The following USH1C variants were observed in gnomAD, a reference collection of about 807,000 sequenced individuals.
USH1C encodes USH1 protein network component harmonin, also known as harmonin.
USH1C carries 90 observed loss-of-function variants against 119.3 expected under a neutral mutation model. The observed-to-expected ratio is 0.75, with a 90% confidence interval of 0.64 to 0.90. The LOEUF is 0.90. Ranked by LOEUF, USH1C falls within the 40% of genes least tolerant of loss-of-function variation. The pLI, the probability that USH1C is intolerant of heterozygous loss-of-function variation, is 0.00. For synonymous variants in USH1C, 465 were observed against 443.3 expected, an observed-to-expected ratio of 1.05 and a Z score of -0.62; for missense variants, 1,165 against 1,167.7, an observed-to-expected ratio of 1.00 and a Z score of 0.03.
At chr11:17,512,278 T>A (rs1354011368) in intron 15 of USH1C, among the ~76,000 whole-genome samples, 2 of 152,124 alleles carry the variant, frequency 1.3e-5, no homozygotes, top group African/African-American at 2.4e-5. Context: ...AAAGACTGGC[T>A]TATTAGTTCA....
In USH1C at chr11:17,522,942, A is replaced by T. The variant is rs1029798316; in HGVS notation, c.877-16T>A. The T allele has an allele frequency of 3.1e-6, 5 of 1,607,962 alleles. No individual in the cohort carries two copies. The highest frequency in any genetic ancestry group is 4.2e-6 in the Non-Finnish European group (5 of 1,177,502). On this transcript the variant is annotated splice_polypyrimidine_tract_variant and intron_variant, in intron 11 of 26. Transcript: ENST00000005226. ...GCTCCCGGCCCTCATGGGAGAAAAG[A>T]GGCCCCTTGCTCAGCCCCCGGGGAA...
Position 17,522,915 on chromosome 11 carries a change from C to A in USH1C, c.888G>T (p.Leu296=), listed in dbSNP as rs1592003565. 6.2e-7 allele frequency: 1 copy of A among 1,611,732 alleles called. No homozygotes were observed. The highest frequency in any genetic ancestry group is 1.3e-5 in the African/African-American group (1 of 74,910). The change falls in exon 12 of 27, where the codon CTG becomes CTT. Residue 296 remains leucine, a synonymous_variant. Transcript: ENST00000005226. ...CCAGCCGCTCCCGGTCTGTCATGAA[C>A]AGCTCCCGGCCCTCATGGGAGAAAA... ...ISIVAAAGRE[L]FMTDRERLAE...
At chr11:17,510,255 G>A (rs919061733) in intron 17 of USH1C, 150 bp downstream of exon 17, 3 of 691,152 alleles carry the variant, frequency 4.3e-6, no homozygotes, top group Admixed American at 2.1e-5. Context: ...CCTCAAGAGG[G>A]GAGTGGGGTG....
At chr11:17,506,808 C>G (rs908357298) in intron 18 of USH1C, among the ~76,000 whole-genome samples, 1 of 152,232 alleles carries the variant, frequency 6.6e-6, no homozygotes, top group African/African-American at 2.4e-5. Flanking sequence ...CTTCCTCCGT[C>G]TCCACGCTGA....
Position 17,533,366 on chromosome 11 carries a change from C to CCT in USH1C, c.37-45_37-44insAG, listed in dbSNP as rs772462189. The CCT allele has an allele frequency of 6.4e-6, 9 of 1,410,940 alleles. No homozygotes were observed. In the East Asian group the frequency reaches 1.4e-4, roughly 22 times the overall value. 87.4% of individuals were successfully genotyped at this position (1,410,940 alleles called of 1,614,324 possible). A position where few individuals can be genotyped will look rare whatever the true frequency, so the allele number is the denominator to read the frequency against. On this transcript the variant is annotated intron_variant, in intron 1 of 26. Coordinates refer to ENST00000005226, the MANE Select transcript of USH1C (RefSeq NM_153676.4). ...GAATCACAGCTCCAGGCTCAGCACC[C>CCT]GCCCCCATAGCAGACCTCAGGGAGG...
chr11:17,517,080 C>T (rs1850183365), intron 14 of USH1C, among the ~76,000 whole-genome samples: 1 of 152,130 alleles, frequency 6.6e-6, no homozygotes, highest in Admixed American at 6.5e-5. Context: ...TCCTCAGTTG[C>T]TGGATTTGAG....
intron 19 of USH1C, among the ~76,000 whole-genome samples, 196 bp from the exon 20 acceptor site, chr11:17,504,893 T>C (rs369272393): frequency 1.7e-4 from 26 of 152,130 alleles, no homozygotes; most frequent in African/African-American, 6.3e-4. Flanking sequence ...CACCACCCCT[T>C]GATATTAGCC....
chr11:17,521,960 C>T (rs1324144848), intron 12 of USH1C, among the ~76,000 whole-genome samples: 1 of 152,176 alleles, frequency 6.6e-6, no homozygotes, highest in African/African-American at 2.4e-5. Context: ...TCCCGAGAAG[C>T]TGGGATTACA....
intron 2 of USH1C, 100 bp downstream of exon 2, chr11:17,533,155 C>G: frequency 2.3e-6 from 2 of 873,406 alleles, no homozygotes; most frequent in Non-Finnish European, 4.0e-6. Context: ...CCGTGAGCAT[C>G]CACCCTCTGA....
chr11:17,526,916 C>T, intron 6 of USH1C, 100 bp downstream of exon 6: 3 of 1,576,310 alleles, frequency 1.9e-6, no homozygotes, highest in South Asian at 2.3e-5. Flanking sequence ...CCTCCACTGG[C>T]CCAGAAGCAG....
chr11:17,510,237 T>A (rs1849827546), intron 17 of USH1C, among the ~76,000 whole-genome samples, 168 bp downstream of exon 17: 1 of 151,990 alleles, frequency 6.6e-6, no homozygotes, highest in African/African-American at 2.4e-5. Context: ...TACAGACATA[T>A]CCCTCCTCCT....
At position 17,511,956 on chromosome 11, in the gene USH1C, T is replaced by G; in HGVS notation, c.1359A>C (p.Lys453Asn). The change falls in exon 16 of 27, where the codon AAA (lysine) becomes AAC (asparagine). Residue 453 changes from lysine (K) to asparagine (N), a missense_variant. Lys to Asn is a moderately conservative substitution (Grantham distance 94). Coordinates refer to ENST00000005226, the MANE Select transcript of USH1C (RefSeq NM_153676.4). ...GCTTTTCCTTCTCCAGCATTTCCTC[T>G]TTCTCTTTGTAAAGCTTTTGCTCAA... is the stretch of plus-strand genomic sequence containing the variant. The part of the protein sequence containing the change: ...LEFEQKLYKE[K>N]EEMLEKEKQL... The G allele has an allele frequency of 6.2e-7, 1 of 1,614,226 alleles. No homozygotes were observed. Among genetic ancestry groups the G allele is most frequent in the Non-Finnish European group, 8.5e-7 (1 of 1,180,038 alleles).
rs756032457 is a variant in USH1C, at chr11:17,531,165, CG to C, written c.375del (p.Ser125ArgfsTer6). Reference sequence around the variant, plus strand: ...CTCTGTTTGCTCACCTGGAGCCCGACGCTGTCTGCCTGACCGCCTTTGATGA... The same window carrying C: ...CTCTGTTTGCTCACCTGGAGCCCGACCTGTCTGCCTGACCGCCTTTGATGA... ...SHLIKGGQAD[S>X]VGLQVGDEIV... On this transcript the variant is annotated frameshift_variant, in exon 4 of 27. Transcript: ENST00000005226. LOFTEE classifies it high-confidence loss of function. The surrounding 1 kb of genome is among the most constrained non-coding windows in gnomAD (Gnocchi z 4.2). 2.5e-6 allele frequency: 4 copies of C among 1,614,010 alleles called. No individual in the cohort carries two copies. In the African/African-American group the frequency reaches 5.3e-5, roughly 22 times the overall value.
intron 23 of USH1C, among the ~76,000 whole-genome samples, chr11:17,499,385 A>G (rs1253551783): frequency 1.3e-5 from 2 of 152,234 alleles, no homozygotes; most frequent in Non-Finnish European, 2.9e-5. Context: ...AACCACAGAA[A>G]GCAGTTGCCT....
chr11:17,509,721 T>G lies in USH1C; in HGVS notation c.1648A>C (p.Met550Leu). The change falls in exon 18 of 27, where the codon ATG becomes CTG. Residue 550 changes from methionine to leucine, a missense_variant. Transcript: ENST00000005226. The part of the protein sequence containing the change: ...TTDLDDIPLD[M>L]FYYPPKTPSA... ...GGAGTCTTGGGGGGATAGTAGAACA[T>G]GTCCAAAGGGATGTCGTCCAGGTCA... 6.2e-7 allele frequency: 1 copy of G among 1,600,432 alleles called. No individual in the cohort carries two copies. Among genetic ancestry groups the G allele is most frequent in the Non-Finnish European group, 8.5e-7 (1 of 1,179,408 alleles).
intron 1 of USH1C, among the ~76,000 whole-genome samples, chr11:17,538,616 AG>A (rs1851323907): frequency 6.6e-6 from 1 of 152,196 alleles, no homozygotes; most frequent in South Asian, 2.1e-4. Flanking sequence ...GGACATTTCA[AG>A]GTCTCCAAAA....
intron 7 of USH1C, 60 bp downstream of exon 7, chr11:17,526,693 G>A (rs912907086): frequency 1.3e-5 from 21 of 1,564,608 alleles, no homozygotes; most frequent in South Asian, 4.5e-5. Flanking sequence ...CTTCAGGACC[G>A]GCCACCCCTC....
At chr11:17,536,240 G>T (rs1851225998) in intron 1 of USH1C, among the ~76,000 whole-genome samples, 1 of 152,228 alleles carries the variant, frequency 6.6e-6, no homozygotes, top group African/African-American at 2.4e-5. Flanking sequence ...CCTGGGTGGT[G>T]ACACAAGAAA....
Position 17,498,193 on chromosome 11 carries a change from G to A in USH1C, c.2459C>T (p.Ala820Val), listed in dbSNP as rs1312197424. ...VTDYTLAEAE[A>V]ALQKAWNQGG... ...CTGATTCCAGGCCTTCTGCAGGGCA[G>A]CCTCAGCCTCAGCCAGGGTGTAGTC... Residue 820 changes from alanine to valine, a missense_variant, in exon 24 of 27, where the codon GCT becomes GTT. Ala to Val is a moderately conservative substitution (Grantham distance 64). Coordinates refer to ENST00000005226, the MANE Select transcript of USH1C (RefSeq NM_153676.4). The A allele has an allele frequency of 6.2e-7, 1 of 1,614,110 alleles. No homozygotes were observed. The highest frequency in any genetic ancestry group is 1.1e-5 in the South Asian group (1 of 91,074).
Sources: gnomAD v4.1 joint callset for allele counts (sites outside exome capture counted in the v4.1 genomes callset) on GRCh38, gnomAD v4.1.1 for gene constraint, Gnocchi (gnomAD v3.1) non-coding constraint, MANE v1.5 for transcripts, NCBI Gene and HGNC (gene_info 2026-07-23, HGNC 2026-07-21) for gene names.